The following TRPM2 variants were observed in gnomAD, a reference collection of about 807,000 sequenced individuals.
The protein encoded by TRPM2 is transient receptor potential cation channel subfamily M member 2.
A neutral mutation model predicts 174.0 loss-of-function variants in TRPM2; 161 were observed. The observed-to-expected ratio is 0.93, with a 90% CI of 0.81 to 1.05. The LOEUF is 1.05. Among genes scored for constraint, TRPM2 ranks in the 50% least tolerant of loss-of-function variants. The pLI is 0.00. For missense variants in TRPM2, 2,057 were observed against 2,038.0 expected, an observed-to-expected ratio of 1.01 and a Z score of -0.18; for synonymous variants, 954 against 861.3, an observed-to-expected ratio of 1.11 and a Z score of -1.88.
At chr21:44,375,747 C>G in intron 5 of TRPM2, 86 bp from the exon 6 acceptor site, 1 of 1,440,084 alleles carries the variant, frequency 6.9e-7, no homozygotes, top group Non-Finnish European at 9.3e-7. Context: ...GGGACCTGGT[C>G]TCTGTGAGGG....
At chr21:44,382,670 G>T (rs2048915687) in intron 8 of TRPM2, 48 bp from the exon 9 acceptor site, 1 of 1,578,488 alleles carries the variant, frequency 6.3e-7, no homozygotes, top group Non-Finnish European at 8.7e-7. Context: ...GGAGGAGGCA[G>T]GGGTTCAGGA....
At chr21:44,427,886 C>T (rs1398997791) in intron 27 of TRPM2, among the ~76,000 whole-genome samples, 1 of 152,052 alleles carries the variant, frequency 6.6e-6, no homozygotes, top group Non-Finnish European at 1.5e-5. Flanking sequence ...TGCAGGCGGC[C>T]CGCTCTGGTG....
intron 8 of TRPM2, among the ~76,000 whole-genome samples, 195 bp from the exon 9 acceptor site, chr21:44,382,523 G>A (rs898522798): frequency 2.0e-5 from 3 of 152,112 alleles, no homozygotes; most frequent in Non-Finnish European, 4.4e-5. Context: ...AGACTCTCAC[G>A]AACATGATGT....
At chr21:44,413,095 C>T (rs934319102) in intron 19 of TRPM2, among the ~76,000 whole-genome samples, 9 of 152,072 alleles carry the variant, frequency 5.9e-5, no homozygotes, top group African/African-American at 1.4e-4. Context: ...TTTCTATGCA[C>T]GCAGGACGCT....
chr21:44,425,749 C>T lies in TRPM2; in HGVS notation c.3717C>T (p.His1239=), dbSNP rs780498758. ...KKTEEPGDSY[H]VNARHLLYPN... is the part of the protein sequence containing the mutation. ...CGGAGGAGCCGGGCGACAGCTACCA[C>T]GTGAATGCCCGGCACCTCCTCTACC... is the stretch of plus-strand genomic sequence containing the variant. The change falls in exon 25 of 32, where the codon CAC becomes CAT. Residue 1239 remains histidine, a synonymous_variant. Coordinates refer to ENST00000397928, the MANE Select transcript of TRPM2 (RefSeq NM_003307.4). The T allele has an allele frequency of 3.1e-6, 5 of 1,594,094 alleles. No homozygotes were observed. Among genetic ancestry groups the T allele is most frequent in the Non-Finnish European group, 4.3e-6 (5 of 1,169,210 alleles).
chr21:44,406,044 G>T lies in TRPM2; in HGVS notation c.2790+7G>T, dbSNP rs762256532. The T allele has an allele frequency of 3.7e-6, 6 of 1,604,232 alleles. No individual in the cohort carries two copies. The South Asian group carries it at 4.4e-5, about 12-fold the overall frequency. ...CATCATTGTGAAGCGGATGGTAAGG[G>T]GGCGGGGGCACCGGCTCCATCGCGG... On this transcript the variant is annotated splice_region_variant and intron_variant, in intron 18 of 31. Transcript: ENST00000397928.
chr21:44,397,901 C>T, intron 13 of TRPM2, 25 bp downstream of exon 13: 3 of 1,566,034 alleles, frequency 1.9e-6, no homozygotes, highest in Non-Finnish European at 2.6e-6. Context: ...GCACGGGCTG[C>T]AGGCCATGGC....
chr21:44,377,920 C>T (rs2146200114), intron 7 of TRPM2, 147 bp downstream of exon 7: 2 of 975,872 alleles, frequency 2.0e-6, no homozygotes, highest in Non-Finnish European at 3.0e-6. Flanking sequence ...AGCATCTACG[C>T]TGTGTCGGGG....
chr21:44,402,471 G>A (rs773143417), intron 16 of TRPM2, among the ~76,000 whole-genome samples: 5 of 152,126 alleles, frequency 3.3e-5, no homozygotes, highest in African/African-American at 1.2e-4. Flanking sequence ...ATGGAGGCAC[G>A]TCCCCAGAGA....
intron 27 of TRPM2, among the ~76,000 whole-genome samples, chr21:44,434,587 G>A (rs2051161863): frequency 6.6e-6 from 1 of 152,142 alleles, no homozygotes; most frequent in Admixed American, 6.5e-5. Context: ...AGGACCTGGT[G>A]GTGTCAGGGA....
At chr21:44,404,357 C>A (rs990143071) in intron 16 of TRPM2, among the ~76,000 whole-genome samples, 3 of 146,838 alleles carry the variant, frequency 2.0e-5, no homozygotes, top group Non-Finnish European at 4.5e-5. Context: ...TACATGCAGA[C>A]ACATACAGAA....
intron 30 of TRPM2, 42 bp from the exon 31 acceptor site, chr21:44,440,747 G>T: frequency 6.4e-7 from 1 of 1,574,272 alleles, no homozygotes; most frequent in Non-Finnish European, 8.7e-7. Context: ...GCACCGCTCA[G>T]GTGTCCCTCG....
chr21:44,368,714 G>T (rs1353566673), intron 4 of TRPM2, among the ~76,000 whole-genome samples: 1 of 152,200 alleles, frequency 6.6e-6, no homozygotes, highest in Non-Finnish European at 1.5e-5. Flanking sequence ...TTACAGGCGT[G>T]AGCCACCGTG....
At position 44,359,936 on chromosome 21, in the gene TRPM2, C is replaced by G. The variant is rs146159219; in HGVS notation, c.255-4178C>G. ...CTAATTTTTGTATTTTTAGTAGAGA[C>G]AGGGTTTCACCATATTAGCCAGGCT... On this transcript the variant is annotated intron_variant, in intron 2 of 31. Coordinates refer to ENST00000397928, the MANE Select transcript of TRPM2 (RefSeq NM_003307.4). Among the ~76,000 whole-genome samples, 167 of 151,916 alleles carry G rather than the reference C, an allele frequency of 1.1e-3. 3 individuals are homozygous for G. In the East Asian group the frequency reaches 0.018, roughly 17 times the overall value.
At position 44,432,391 on chromosome 21, in the gene TRPM2, C is replaced by G. The variant is rs186726092; in HGVS notation, c.3975-2740C>G. On this transcript the variant is annotated intron_variant, in intron 27 of 31. Coordinates refer to ENST00000397928, the MANE Select transcript of TRPM2 (RefSeq NM_003307.4). The surrounding 1 kb of genome is among the most constrained non-coding windows in gnomAD (Gnocchi z 4.9). ...CTCTTCTGTTCTTAGGATTATAAAT[C>G]GTACTGGGTTTAGGGCCAACCCTAT... is the stretch of plus-strand genomic sequence containing the variant. Among the ~76,000 whole-genome samples the G allele has an allele frequency of 6.6e-6, 1 of 152,208 alleles. No homozygotes were observed. Among genetic ancestry groups the G allele is most frequent in the African/African-American group, 2.4e-5 (1 of 41,442 alleles).
At chr21:44,414,364 G>C (rs540029824) in intron 20 of TRPM2, among the ~76,000 whole-genome samples, 6 of 152,220 alleles carry the variant, frequency 3.9e-5, no homozygotes, top group Non-Finnish European at 2.9e-5. Context: ...GTGCTGCTGC[G>C]GAGGCAGCCT....
At position 44,377,791 on chromosome 21, in the gene TRPM2, G is replaced by A; in HGVS notation, c.1014+18G>A. 6.2e-7 allele frequency: 1 copy of A among 1,613,844 alleles called. No homozygotes were observed. Among genetic ancestry groups the A allele is most frequent in the Middle Eastern group, 1.7e-4 (1 of 6,056 alleles). Reference sequence around the variant, plus strand: ...CGTTGCACGTGAGTATGGCCAGGTGGGAGGGGGCATGTGTGGGCCCGTCCT... The same window carrying A: ...CGTTGCACGTGAGTATGGCCAGGTGAGAGGGGGCATGTGTGGGCCCGTCCT... On this transcript the variant is annotated intron_variant, in intron 7 of 31. Transcript: ENST00000397928.
Position 44,381,954 on chromosome 21 carries a change from A to C in TRPM2, c.1216-764A>C, listed in dbSNP as rs544715096. ...ATGAATTGATATGATAGATAGATGG[A>C]TAGATAGATAGATAGATAGATAGAT... On this transcript the variant is annotated intron_variant, in intron 8 of 31. Transcript: ENST00000397928. 4.6e-3 allele frequency among the ~76,000 whole-genome samples: 91 copies of C among 19,790 alleles called. 1 individual carries two copies. Among genetic ancestry groups the C allele is most frequent in the African/African-American group, 0.012 (88 of 7,568 alleles). The allele number at this position is 19,790 out of a possible 152,430, so 13.0% of individuals were successfully genotyped here.
In TRPM2 at chr21:44,438,190, C is replaced by A. The variant is rs1375365155; in HGVS notation, c.4168-877C>A. 1.3e-5 allele frequency among the ~76,000 whole-genome samples: 2 copies of A among 152,240 alleles called. No individual in the cohort carries two copies. Among genetic ancestry groups the A allele is most frequent in the Admixed American group, 1.3e-4 (2 of 15,290 alleles). On this transcript the variant is annotated intron_variant, in intron 29 of 31. Transcript: ENST00000397928. The surrounding 1 kb of genome is among the most constrained non-coding windows in gnomAD (Gnocchi z 5.9). ...GGAACCACCCCCGCAGCAGAGGGGG[C>A]CTTTGGCCTTGGGGTCCCCTTGCTG...
Sources: gnomAD v4.1 joint callset for allele counts (sites outside exome capture counted in the v4.1 genomes callset) on GRCh38, gnomAD v4.1.1 for gene constraint, Gnocchi (gnomAD v3.1) non-coding constraint, MANE v1.5 for transcripts, NCBI Gene and HGNC (gene_info 2026-07-23, HGNC 2026-07-21) for gene names.